Variants in CDC42BPA observed in about 807,000 individuals in gnomAD.
CDC42BPA encodes the protein serine/threonine-protein kinase MRCK alpha.
A neutral mutation model predicts 223.5 loss-of-function variants in CDC42BPA; 80 were observed. The ratio of observed to expected loss-of-function variants is 0.36; its 90% CI spans 0.30 to 0.43. CDC42BPA has a LOEUF of 0.43. Ranked by LOEUF, CDC42BPA falls within the 20% of genes least tolerant of loss-of-function variation. The probability of loss-of-function intolerance (pLI) is 1.00; values close to 1 mark genes in which losing one functional copy is unlikely to be tolerated. For missense variants in CDC42BPA, 1,743 were observed against 2,099.9 expected (o/e 0.83, Z 3.32); for synonymous variants, 694 against 718.6 (o/e 0.97, Z 0.55).
intron 15 of CDC42BPA, among the ~76,000 whole-genome samples, chr1:227,097,761 G>A (rs144107471): frequency 8.3e-4 from 126 of 152,268 alleles, no homozygotes; most frequent in African/African-American, 2.9e-3. Context: ...TGCCTCAAAT[G>A]AGCACGTGTA....
chr1:227,182,001 ATG>A (rs1184356809), intron 5 of CDC42BPA, among the ~76,000 whole-genome samples: 1 of 152,316 alleles, frequency 6.6e-6, no homozygotes, highest in African/African-American at 2.4e-5. Context: ...TAAGACATTA[ATG>A]TAATTAAATA....
rs1193702893 is a variant in CDC42BPA, at chr1:227,074,017, G to A, written c.2587-5C>T. The A allele has an allele frequency of 1.9e-6, 3 of 1,608,018 alleles. No individual in the cohort carries two copies. The highest frequency in any genetic ancestry group is 2.5e-6 in the Non-Finnish European group (3 of 1,178,386). On this transcript the variant is annotated splice_polypyrimidine_tract_variant and splice_region_variant and intron_variant, in intron 18 of 36. Transcript: ENST00000366766. ...ACGCATTTTCCAGGGCATATCCTAT[G>A]AAATAATGACTGTGTTTTTAGTTCC...
rs571227799 is a variant in CDC42BPA at position 227,010,586 on chromosome 1, G to A, written c.4858-5475C>T. On this transcript the variant is annotated intron_variant, in intron 34 of 36. Transcript: ENST00000366766. ...AATAGAGAGCTATTTCTTACAATGGGAAAAACTTTTATTAAACATAGATAA... is the reference window on the plus strand; with the variant it reads ...AATAGAGAGCTATTTCTTACAATGGAAAAAACTTTTATTAAACATAGATAA... Among the ~76,000 whole-genome samples the A allele has an allele frequency of 3.7e-3, 567 of 152,158 alleles. 3 individuals carry two copies. The highest frequency in any genetic ancestry group is 0.013 in the African/African-American group (548 of 41,524).
chr1:227,287,067 G>GT (rs1688929142), intron 1 of CDC42BPA, among the ~76,000 whole-genome samples: 1 of 152,098 alleles, frequency 6.6e-6, no homozygotes, highest in African/African-American at 2.4e-5. Flanking sequence ...AACATTGGGG[G>GT]TCACATTTCA....
Position 227,109,778 on chromosome 1 carries a change from T to C in CDC42BPA, c.2001+2534A>G, listed in dbSNP as rs973795981. On this transcript the variant is annotated intron_variant, in intron 14 of 36. Coordinates refer to ENST00000366766, the MANE Select transcript of CDC42BPA (RefSeq NM_001394014.1). ...TAAGACACAAACACACACATTAATA[T>C]AGGGTTTACACAGGGTCAAGATCAT... Among the ~76,000 whole-genome samples, 5 of 151,616 alleles carry C rather than the reference T, an allele frequency of 3.3e-5. No individual in the cohort carries two copies. The South Asian group carries it at 8.4e-4, about 25-fold the overall frequency.
chr1:227,235,059 T>C (rs920129380), intron 2 of CDC42BPA: 2 of 151,992 alleles, frequency 1.3e-5, no homozygotes, highest in Non-Finnish European at 2.9e-5. Context: ...GTAGAGATCA[T>C]GGCTGATATT....
At chr1:227,188,815 C>T (rs1669250370) in intron 5 of CDC42BPA, among the ~76,000 whole-genome samples, 1 of 152,102 alleles carries the variant, frequency 6.6e-6, no homozygotes, top group African/African-American at 2.4e-5. Flanking sequence ...GAACGTACAA[C>T]ACCAACAGAG....
intron 21 of CDC42BPA, among the ~76,000 whole-genome samples, chr1:227,068,105 C>T (rs1334210965): frequency 6.6e-6 from 1 of 151,760 alleles, no homozygotes; most frequent in African/African-American, 2.4e-5. Flanking sequence ...ACTAAAATCA[C>T]TTTGCACATT....
intron 10 of CDC42BPA, among the ~76,000 whole-genome samples, chr1:227,134,132 A>G (rs541038285): frequency 1.3e-4 from 20 of 152,248 alleles, no homozygotes; most frequent in African/African-American, 4.8e-4. Flanking sequence ...ATGCCAATCA[A>G]TGTGTTCCTA....
intron 5 of CDC42BPA, among the ~76,000 whole-genome samples, chr1:227,165,275 C>T (rs1420799593): frequency 6.6e-6 from 1 of 152,104 alleles, no homozygotes; most frequent in Non-Finnish European, 1.5e-5. Flanking sequence ...TGGGTGTCAA[C>T]ACAATTTTCA....
At chr1:227,292,745 C>T (rs1689906488) in intron 1 of CDC42BPA, among the ~76,000 whole-genome samples, 1 of 152,098 alleles carries the variant, frequency 6.6e-6, no homozygotes, top group African/African-American at 2.4e-5. Context: ...ACTCACCTAC[C>T]TTCCACAACT....
At chr1:227,262,481 C>T (rs565490215) in intron 1 of CDC42BPA, among the ~76,000 whole-genome samples, 89 of 135,696 alleles carry the variant, frequency 6.6e-4, no homozygotes, top group African/African-American at 2.4e-3. Context: ...CAAGAAAAAG[C>T]ACATTTACCT....
chr1:227,138,934 G>A (rs559723508), intron 10 of CDC42BPA, among the ~76,000 whole-genome samples: 1 of 152,248 alleles, frequency 6.6e-6, no homozygotes, highest in South Asian at 2.1e-4. Flanking sequence ...TGTAGGTAAC[G>A]GTGGCAGTGA....
At chr1:227,228,882 T>C (rs1677322361) in intron 2 of CDC42BPA, among the ~76,000 whole-genome samples, 1 of 152,226 alleles carries the variant, frequency 6.6e-6, no homozygotes, top group Non-Finnish European at 1.5e-5. Flanking sequence ...GTTGTGCTTT[T>C]ATTGCTGAGT....
chr1:227,190,395 T>C (rs1482048701), intron 5 of CDC42BPA, among the ~76,000 whole-genome samples: 1 of 152,166 alleles, frequency 6.6e-6, no homozygotes, highest in Non-Finnish European at 1.5e-5. Flanking sequence ...ATCACAGAAT[T>C]TGTGTTAGAA....
At chr1:227,146,988 C>T (rs1660819250) in intron 7 of CDC42BPA, among the ~76,000 whole-genome samples, 1 of 152,026 alleles carries the variant, frequency 6.6e-6, no homozygotes, top group Admixed American at 6.6e-5. Context: ...AAAAAAGTAT[C>T]TCATCCTTAT....
At chr1:227,049,949 T>C (rs961243990) in intron 22 of CDC42BPA, among the ~76,000 whole-genome samples, 1 of 135,796 alleles carries the variant, frequency 7.4e-6, no homozygotes, top group Non-Finnish European at 1.6e-5. Flanking sequence ...AATCTCTGCA[T>C]AGAGAACTGT....
rs764281531 is a variant in CDC42BPA, at chr1:227,051,867, C to T, written c.3009+14G>A. 1 of 1,344,764 alleles carries T rather than the reference C, an allele frequency of 7.4e-7. No homozygotes were observed. Among genetic ancestry groups the T allele is most frequent in the Non-Finnish European group, 1.0e-6 (1 of 1,002,138 alleles). 83.3% of individuals were successfully genotyped at this position (1,344,764 alleles called of 1,614,324 possible). On this transcript the variant is annotated intron_variant, in intron 22 of 36. Coordinates refer to ENST00000366766, the MANE Select transcript of CDC42BPA (RefSeq NM_001394014.1). ...AGTGAAAAGTTGGGGAGCAGGGATGCTCCAATAAGGCACCTTAACTGGCTC... is the reference window on the plus strand; with the variant it reads ...AGTGAAAAGTTGGGGAGCAGGGATGTTCCAATAAGGCACCTTAACTGGCTC...
intron 3 of CDC42BPA, among the ~76,000 whole-genome samples, chr1:227,201,888 T>C (rs557217403): frequency 3.9e-4 from 60 of 152,264 alleles, no homozygotes; most frequent in African/African-American, 1.4e-3. Flanking sequence ...CTAAAAACAT[T>C]ATCACACAGT....
Sources: gnomAD v4.1 joint callset for allele counts (sites outside exome capture counted in the v4.1 genomes callset) on GRCh38, gnomAD v4.1.1 for gene constraint, MANE v1.5 for transcripts, NCBI Gene and HGNC (gene_info 2026-07-23, HGNC 2026-07-21) for gene names.